Variants in SCN3A observed in about 807,000 individuals in gnomAD.
The protein encoded by SCN3A is sodium voltage-gated channel alpha subunit 3.
SCN3A carries 60 observed loss-of-function variants against 187.6 expected under a neutral mutation model. That is an observed-to-expected ratio of 0.32 (90% CI 0.26 to 0.40). The LOEUF is 0.40. Among genes scored for constraint, SCN3A ranks in the 10% least tolerant of loss-of-function variants. The pLI is 1.00. For synonymous variants in SCN3A, 788 were observed against 829.2 expected (o/e 0.95, Z 0.85); for missense variants, 1,601 against 2,428.2 (o/e 0.66, Z 7.16).
At chr2:165,156,512 CAAAAAAAAAAAAAAAAAAAAAAAA>C (rs558407270) in intron 9 of SCN3A, among the ~76,000 whole-genome samples, 19 of 63,708 alleles carry the variant, frequency 3.0e-4, no homozygotes, top group South Asian at 7.9e-4. Context: ...GACTCTGACT[CAAAAAAAAAAAAAAAAAAAAAAAA>C]AAAAAAAAAA....
chr2:165,172,207 T>G (rs78775026), intron 3 of SCN3A, among the ~76,000 whole-genome samples: 2,056 of 152,262 alleles, frequency 0.014, 54 homozygotes, highest in African/African-American at 0.047. Context: ...ATTATCCCTT[T>G]GTGTTTAAGA....
At position 165,127,906 on chromosome 2, in the gene SCN3A, G is replaced by A. The variant is rs776963443; in HGVS notation, c.3118C>T (p.His1040Tyr). The A allele has an allele frequency of 1.2e-6, 2 of 1,613,958 alleles. No homozygotes were observed. Among genetic ancestry groups the A allele is most frequent in the Admixed American group, 3.3e-5 (2 of 60,004 alleles). The change falls in exon 18 of 28, where the codon CAT (histidine) becomes TAT (tyrosine). Residue 1040 changes from histidine (H) to tyrosine (Y), a missense_variant. Coordinates refer to ENST00000283254, the MANE Select transcript of SCN3A (RefSeq NM_006922.4). ...FFRKPKVIEIHEGNKIDSCMS... is the reference protein window; with the variant it reads ...FFRKPKVIEIYEGNKIDSCMS... ...CAGCTGTCTATCTTATTGCCTTCAT[G>A]GATTTCTATAACTTTTGGCTTTCTA...
rs1310500454 is a variant in SCN3A, at chr2:165,130,001, A to G, written c.2861T>C (p.Val954Ala). The change falls in exon 17 of 28, where the codon GTC becomes GCC. Residue 954 changes from valine to alanine, a missense_variant. Physicochemically the swap from Val to Ala is moderately conservative, Grantham distance 64 (BLOSUM62 0). Transcript: ENST00000283254. ...WIETMWDCMEVAGQTMCLIVF... is the reference protein window; with the variant it reads ...WIETMWDCMEAAGQTMCLIVF... ...AATAAGGCACATGGTTTGGCCAGCGACCTCCATACAGTCCCACATGGTCTC... is the reference window on the plus strand; with the variant it reads ...AATAAGGCACATGGTTTGGCCAGCGGCCTCCATACAGTCCCACATGGTCTC... 4 of 1,613,996 alleles carry G rather than the reference A, an allele frequency of 2.5e-6. No homozygotes were observed. The highest frequency in any genetic ancestry group is 3.4e-6 in the Non-Finnish European group (4 of 1,180,002).
At chr2:165,172,280 TG>T (rs1690156540) in intron 3 of SCN3A, among the ~76,000 whole-genome samples, 1 of 152,152 alleles carries the variant, frequency 6.6e-6, no homozygotes, top group Non-Finnish European at 1.5e-5. Flanking sequence ...CTCTGTTCAT[TG>T]CCTTTTTGTA....
At position 165,097,350 on chromosome 2, in the gene SCN3A, A is replaced by T; in HGVS notation, c.4141T>A (p.Leu1381Met). ...NMFDISDVNNLSDCQALGKQA... is the reference protein window; with the variant it reads ...NMFDISDVNNMSDCQALGKQA... ...TTGCCAAGAGCCTGACAGTCACTCA[A>T]ATTGTTAACATCACTAATGTCAAAC... Residue 1381 changes from leucine to methionine, a missense_variant, in exon 23 of 28, where the codon TTG (leucine) becomes ATG (methionine). Physicochemically the swap from Leu to Met is conservative, Grantham distance 15. This residue lies in a region of SCN3A where 320 missense variants were observed against 623.2 expected (regional missense o/e 0.51). Transcript: ENST00000283254. The T allele has an allele frequency of 6.2e-7, 1 of 1,614,144 alleles. No individual in the cohort carries two copies. The highest frequency in any genetic ancestry group is 8.5e-7 in the Non-Finnish European group (1 of 1,180,000).
intron 22 of SCN3A, among the ~76,000 whole-genome samples, chr2:165,099,270 G>A (rs1245796106): frequency 1.3e-5 from 2 of 152,044 alleles, no homozygotes; most frequent in East Asian, 3.9e-4. Flanking sequence ...ATTCTACCGA[G>A]GGGCATGGCA....
chr2:165,162,258 T>C (rs770276572), intron 9 of SCN3A, 50 bp downstream of exon 9: 1 of 1,529,654 alleles, frequency 6.5e-7, no homozygotes, highest in Non-Finnish European at 9.0e-7. Flanking sequence ...TACCTACTTT[T>C]TTTTTTCGCA....
chr2:165,110,861 G>A (rs1322082906), intron 21 of SCN3A, among the ~76,000 whole-genome samples: 1 of 152,180 alleles, frequency 6.6e-6, no homozygotes, highest in African/African-American at 2.4e-5. Flanking sequence ...CTCAATAGAT[G>A]TCTAAATGTC....
intron 9 of SCN3A, among the ~76,000 whole-genome samples, chr2:165,158,167 C>T (rs1365728660): frequency 6.6e-6 from 1 of 152,126 alleles, no homozygotes; most frequent in Non-Finnish European, 1.5e-5. Context: ...TTGCTCAGTA[C>T]TGGTACACAT....
intron 10 of SCN3A, 121 bp from the exon 11 acceptor site, chr2:165,154,779 A>T (rs1688916870): frequency 9.9e-7 from 1 of 1,009,242 alleles, no homozygotes; most frequent in Admixed American, 2.1e-5. Flanking sequence ...GTTTATTTTC[A>T]CCAAGAATTT....
At chr2:165,095,136 T>C (rs530102488) in intron 25 of SCN3A, among the ~76,000 whole-genome samples, 1 of 152,186 alleles carries the variant, frequency 6.6e-6, no homozygotes, top group South Asian at 2.1e-4. Flanking sequence ...AAAGCTCATA[T>C]AGATGTATGG....
chr2:165,145,553 CT>C (rs895804631), intron 12 of SCN3A, among the ~76,000 whole-genome samples: 7 of 151,852 alleles, frequency 4.6e-5, no homozygotes, highest in African/African-American at 1.7e-4. Flanking sequence ...ATATAGTCTA[CT>C]TTTTTCTTTA....
At chr2:165,197,415 G>T (rs1322254969) in intron 1 of SCN3A, among the ~76,000 whole-genome samples, 4 of 152,042 alleles carry the variant, frequency 2.6e-5, no homozygotes, top group Non-Finnish European at 5.9e-5. Flanking sequence ...CCGCCTCAGA[G>T]AATCTGATTG....
At chr2:165,163,597 G>A (rs766795803) in intron 7 of SCN3A, 21 bp downstream of exon 7, 8 of 1,612,614 alleles carry the variant, frequency 5.0e-6, no homozygotes, top group Admixed American at 1.7e-5. Flanking sequence ...AGTCAACCTC[G>A]GTGTTTAACC....
At chr2:165,154,710 A>G (rs1427059745) in intron 10 of SCN3A, 52 bp from the exon 11 acceptor site, 12 of 1,497,150 alleles carry the variant, frequency 8.0e-6, no homozygotes, top group Non-Finnish European at 1.1e-5. Flanking sequence ...ATGTCCCCAA[A>G]TAAATATCTG....
intron 2 of SCN3A, among the ~76,000 whole-genome samples, chr2:165,181,628 T>A (rs535121397): frequency 3.3e-5 from 5 of 152,358 alleles, no homozygotes; most frequent in Admixed American, 3.3e-4. Flanking sequence ...TGCTGTCATT[T>A]GCTTTTCCTG....
At chr2:165,151,706 A>G (rs7596422) in intron 11 of SCN3A, among the ~76,000 whole-genome samples, 88,565 of 151,956 alleles carry the variant, frequency 0.58, 26,239 homozygotes, top group African/African-American at 0.69. Flanking sequence ...ATAGTTCACA[A>G]AACAGGGTAC....
intron 1 of SCN3A, among the ~76,000 whole-genome samples, chr2:165,200,729 G>C (rs979258335): frequency 6.6e-6 from 1 of 152,038 alleles, no homozygotes; most frequent in Non-Finnish European, 1.5e-5. Flanking sequence ...GGCCTAGGGT[G>C]GTTGAAGGGA....
intron 15 of SCN3A, among the ~76,000 whole-genome samples, chr2:165,132,666 G>A (rs966045032): frequency 6.6e-6 from 1 of 151,968 alleles, no homozygotes; most frequent in African/African-American, 2.4e-5. Context: ...TAGACCTAAA[G>A]CCATAAAAAC....
Sources: allele counts gnomAD v4.1 joint callset (sites outside exome capture counted in the v4.1 genomes callset), GRCh38; gene constraint gnomAD v4.1.1; regional missense constraint gnomAD v4.1.1; transcripts MANE v1.5; gene names NCBI Gene and HGNC (gene_info 2026-07-23, HGNC 2026-07-21).